Variants in HBP1 observed in about 807,000 individuals in gnomAD.
HBP1 encodes HMG box-containing protein 1.
In HBP1, 20 loss-of-function variants were observed where a neutral mutation model predicts 62.6. The ratio of observed to expected loss-of-function variants is 0.32; its 90% CI spans 0.22 to 0.46. The LOEUF is 0.46. Ranked by LOEUF, HBP1 falls within the 20% of genes least tolerant of loss-of-function variation. The pLI is 1.00. For missense variants in HBP1, 480 were observed against 611.8 expected (o/e 0.78, Z 2.27); for synonymous variants, 232 against 206.2 (o/e 1.12, Z -1.07).
intron 9 of HBP1, among the ~76,000 whole-genome samples, chr7:107,198,587 A>G (rs902559824): frequency 4.6e-5 from 7 of 152,222 alleles, no homozygotes; most frequent in African/African-American, 1.7e-4. Flanking sequence ...ATTGAGGGCC[A>G]TCAGATATCA....
chr7:107,190,748 C>A (rs1797612354), intron 8 of HBP1, among the ~76,000 whole-genome samples: 2 of 152,032 alleles, frequency 1.3e-5, no homozygotes, highest in Non-Finnish European at 2.9e-5. Context: ...CTCATTTTGA[C>A]CAAGGGCATT....
chr7:107,186,018 G>A (rs1797343761), intron 4 of HBP1, 76 bp downstream of exon 4: 2 of 1,083,592 alleles, frequency 1.8e-6, no homozygotes, highest in Non-Finnish European at 2.8e-6. Context: ...CTCATAGGAA[G>A]TAGTCTCACT....
chr7:107,190,314 A>G lies in HBP1; in HGVS notation c.1064A>G (p.Lys355Arg), dbSNP rs745499593. 1 of 1,603,286 alleles carries G rather than the reference A, an allele frequency of 6.2e-7. No individual in the cohort carries two copies. Among genetic ancestry groups the G allele is most frequent in the East Asian group, 2.2e-5 (1 of 44,518 alleles). Residue 355 changes from lysine (K) to arginine (R), a missense_variant, in exon 8 of 11, where the codon AAA becomes AGA. By Grantham distance (26) the Lys-to-Arg change is conservative. Around this residue, in one of 4 missense-constraint regions of HBP1, gnomAD observed 58 missense variants for 128.5 expected, o/e 0.45. Transcript: ENST00000222574. The stretch of plus-strand genomic sequence containing the variant: ...GATTCAGGTGTTTTTGATACATTTA[A>G]AAGGTAATATTGGATTAATTCTTTG... ...FDDSGVFDTF[K>R]SYDFTPMDSS...
chr7:107,200,593 T>TTG, intron 10 of HBP1: 1 of 239,842 alleles, frequency 4.2e-6, no homozygotes, highest in Non-Finnish European at 8.0e-6. Context: ...TCTAGTTGGG[T>TTG]TGAAAGATAA....
chr7:107,171,102 G>T (rs1344916794), intron 1 of HBP1, among the ~76,000 whole-genome samples: 3 of 104,338 alleles, frequency 2.9e-5, no homozygotes, highest in African/African-American at 1.5e-4. Flanking sequence ...AGGGAGTCTC[G>T]CTCTGTCGCC....
At position 107,202,312 on chromosome 7, in the gene HBP1, A is replaced by C. The variant is rs781682808; in HGVS notation, c.*881A>C. ...ACTTTAATTTTCCTCCAACTGTCTAAAATTAGAGCAAATACATTGGCAATA... is the reference window on the plus strand; with the variant it reads ...ACTTTAATTTTCCTCCAACTGTCTACAATTAGAGCAAATACATTGGCAATA... On this transcript the variant is annotated 3_prime_UTR_variant, in exon 11 of 11. Coordinates refer to ENST00000222574, the MANE Select transcript of HBP1 (RefSeq NM_012257.4). The C allele has an allele frequency of 6.6e-6, 1 of 152,582 alleles. No homozygotes were observed. Among genetic ancestry groups the C allele is most frequent in the Admixed American group, 6.5e-5 (1 of 15,280 alleles). 9.5% of individuals were successfully genotyped at this position (152,582 alleles called of 1,614,324 possible). A position where few individuals can be genotyped will look rare whatever the true frequency, so the allele number is the denominator to read the frequency against.
At chr7:107,197,789 A>C (rs2115997197) in intron 9 of HBP1, among the ~76,000 whole-genome samples, 1 of 152,300 alleles carries the variant, frequency 6.6e-6, no homozygotes, top group Non-Finnish European at 1.5e-5. Flanking sequence ...GAGTGGGTTT[A>C]AGTGTGTTTT....
chr7:107,184,085 A>ATT (rs1194725924), intron 3 of HBP1, among the ~76,000 whole-genome samples: 1 of 152,176 alleles, frequency 6.6e-6, no homozygotes, highest in African/African-American at 2.4e-5. Flanking sequence ...TGTTCCCTTC[A>ATT]TTTTTATTTA....
intron 6 of HBP1, among the ~76,000 whole-genome samples, chr7:107,187,813 ATTTG>A (rs1370330664): frequency 6.6e-6 from 1 of 152,178 alleles, no homozygotes; most frequent in Non-Finnish European, 1.5e-5. Context: ...TCTTCCCTTG[ATTTG>A]TGTAGCATGG....
chr7:107,197,739 C>T (rs1221619871), intron 9 of HBP1, among the ~76,000 whole-genome samples: 2 of 152,100 alleles, frequency 1.3e-5, no homozygotes, highest in Non-Finnish European at 2.9e-5. Context: ...TGACTTTTGG[C>T]AATTAATCTT....
chr7:107,170,552 A>T (rs12536574), intron 1 of HBP1, among the ~76,000 whole-genome samples: 23,901 of 152,098 alleles, frequency 0.16, 2,343 homozygotes, highest in Non-Finnish European at 0.22. Context: ...AGGAAATTTG[A>T]ATTATATTGA....
chr7:107,169,698 G>T, intron 1 of HBP1: 1 of 977,042 alleles, frequency 1.0e-6, no homozygotes, highest in Non-Finnish European at 1.2e-6. Flanking sequence ...GAGCCGCTGG[G>T]CCCCGGGGCT....
chr7:107,195,799 G>T (rs1448316724), intron 8 of HBP1, 35 bp from the exon 9 acceptor site: 49 of 883,860 alleles, frequency 5.5e-5, no homozygotes, highest in South Asian at 9.7e-5. Context: ...ATTCAAAATT[G>T]AATTAAAATA....
chr7:107,186,185 C>G (rs867019772), intron 4 of HBP1, among the ~76,000 whole-genome samples, 176 bp from the exon 5 acceptor site: 1 of 106,338 alleles, frequency 9.4e-6, no homozygotes. Flanking sequence ...TTTTTTTTAG[C>G]AAATTCTCCC....
At chr7:107,196,983 A>G (rs1394032063) in intron 9 of HBP1, 1 of 152,232 alleles carries the variant, frequency 6.6e-6, no homozygotes, top group Non-Finnish European at 1.5e-5. Context: ...ATCTTTATGG[A>G]ACAGCTTTTC....
At chr7:107,169,530 C>G (rs1187637456) in intron 1 of HBP1, among the ~76,000 whole-genome samples, 2 of 150,050 alleles carry the variant, frequency 1.3e-5, no homozygotes, top group Non-Finnish European at 3.0e-5. Context: ...CGACGCAGCG[C>G]CGGGGCTGCC....
chr7:107,177,741 C>G (rs1283655537), intron 1 of HBP1, among the ~76,000 whole-genome samples: 1 of 152,066 alleles, frequency 6.6e-6, no homozygotes, highest in African/African-American at 2.4e-5. Context: ...TGAAGAAAAA[C>G]ATGATTGAGT....
chr7:107,190,377 A>G, intron 8 of HBP1, 60 bp downstream of exon 8: 1 of 1,146,540 alleles, frequency 8.7e-7, no homozygotes, highest in South Asian at 1.4e-5. Context: ...TCATTTCCCT[A>G]ATGATGGTTA....
At chr7:107,169,710 A>T (rs1031921242) in intron 1 of HBP1, 1 of 984,114 alleles carries the variant, frequency 1.0e-6, no homozygotes, top group Non-Finnish European at 1.2e-6. Context: ...CCCGGGGCTC[A>T]TTGTTACGCA....
Sources: gnomAD v4.1 joint callset for allele counts (sites outside exome capture counted in the v4.1 genomes callset) on GRCh38, gnomAD v4.1.1 for gene constraint, gnomAD v4.1.1 regional missense constraint, MANE v1.5 for transcripts, NCBI Gene and HGNC (gene_info 2026-07-23, HGNC 2026-07-21) for gene names.